The following MGST1 variants were observed in gnomAD, a reference collection of about 807,000 sequenced individuals.
MGST1 encodes the protein glutathione S-transferase 12.
MGST1 carries 5 observed loss-of-function variants against 8.9 expected under a neutral mutation model. The ratio of observed to expected loss-of-function variants is 0.56; its 90% CI spans 0.29 to 1.19. The LOEUF is 1.19. Ranked by LOEUF, MGST1 falls within the 50% of genes most tolerant of loss-of-function variation. MGST1 has a pLI of 0.08. For synonymous variants in MGST1, 54 were observed against 67.8 expected (o/e 0.80, Z 1.00); for missense variants, 182 against 187.4 (o/e 0.97, Z 0.17).
At chr12:16,375,160 A>C (rs1426897420) in intron 3 of MGST1, among the ~76,000 whole-genome samples, 1 of 152,138 alleles carries the variant, frequency 6.6e-6, no homozygotes, top group Non-Finnish European at 1.5e-5. Flanking sequence ...GGATTGAAGG[A>C]GTGAGCCACT....
rs536667559 is a variant in MGST1 at position 16,396,457 on chromosome 12, A to T, written n.778+12853A>T. ...TCAGAACAATGAGACAAGAGAAAGA[A>T]ATAAAGGGTATCCAAATCGGTAAAG... On this transcript the variant is annotated intron_variant and non_coding_transcript_variant, in intron 1 of 1. Coordinates refer to the MGST1 transcript ENST00000359720. 4.6e-5 allele frequency among the ~76,000 whole-genome samples: 7 copies of T among 152,294 alleles called. No individual in the cohort carries two copies. In the East Asian group the frequency reaches 1.4e-3, roughly 29 times the overall value.
intron 4 of MGST1, among the ~76,000 whole-genome samples, chr12:16,461,912 G>C (rs1002501114): frequency 6.6e-6 from 1 of 151,974 alleles, no homozygotes; most frequent in African/African-American, 2.4e-5. Context: ...ATGATTAGTT[G>C]GCTTGAAATA....
chr12:16,391,071 T>C (rs545802372), intron 1 of MGST1, among the ~76,000 whole-genome samples: 2 of 152,140 alleles, frequency 1.3e-5, no homozygotes, highest in Non-Finnish European at 2.9e-5. Context: ...GATATTGAAC[T>C]TTTTTCATAT....
At position 16,559,506 on chromosome 12, in the gene MGST1, T is replaced by C. The variant is rs1025481933; in HGVS notation, n.483-30022T>C. 6.6e-6 allele frequency among the ~76,000 whole-genome samples: 1 copy of C among 152,188 alleles called. No homozygotes were observed. The highest frequency in any genetic ancestry group is 1.5e-5 in the Non-Finnish European group (1 of 68,030). On this transcript the variant is annotated intron_variant and non_coding_transcript_variant, in intron 4 of 4. Coordinates refer to the MGST1 transcript ENST00000538857. This position sits in a 1 kb window ranked among gnomAD's most constrained non-coding sequence, Gnocchi z 4.1. The stretch of plus-strand genomic sequence containing the variant: ...TTAGTGGCAGAGCCCATATTAGAAT[T>C]TAGGTTTCCAGGTTCCCTGTTCAAC...
At chr12:16,525,719 A>AC (rs879322589) in intron 4 of MGST1, among the ~76,000 whole-genome samples, 23 of 149,224 alleles carry the variant, frequency 1.5e-4, no homozygotes, top group Non-Finnish European at 2.7e-4. Flanking sequence ...GAATCGCCAC[A>AC]CTGACTTCCA....
intron 1 of MGST1, among the ~76,000 whole-genome samples, chr12:16,402,864 T>C (rs1940669287): frequency 6.6e-6 from 1 of 151,128 alleles, no homozygotes; most frequent in South Asian, 2.1e-4. Flanking sequence ...TCCTTTCTTC[T>C]TTATAGAAAG....
intron 4 of MGST1, among the ~76,000 whole-genome samples, chr12:16,534,011 C>T (rs528620476): frequency 2.0e-5 from 3 of 152,142 alleles, no homozygotes; most frequent in South Asian, 2.1e-4. Flanking sequence ...TGGTTTATTA[C>T]GGTGAGGTGG....
At chr12:16,392,816 TATAG>T (rs1940565507) in intron 1 of MGST1, among the ~76,000 whole-genome samples, 1 of 151,948 alleles carries the variant, frequency 6.6e-6, no homozygotes, top group Admixed American at 6.6e-5. Flanking sequence ...ATGATAGATA[TATAG>T]ATAGATTGAA....
chr12:16,436,677 G>A (rs548557052), intron 1 of MGST1, among the ~76,000 whole-genome samples: 11 of 151,790 alleles, frequency 7.2e-5, no homozygotes, highest in Non-Finnish European at 1.6e-4. Flanking sequence ...TAAATGTATC[G>A]GCTCATTTAA....
chr12:16,372,825 T>A (rs1364430433), intron 3 of MGST1, among the ~76,000 whole-genome samples: 1 of 149,848 alleles, frequency 6.7e-6, no homozygotes, highest in Non-Finnish European at 1.5e-5. Flanking sequence ...GTGTGTATAA[T>A]ATAATATTCC....
chr12:16,463,652 C>G (rs1386979609), intron 4 of MGST1, among the ~76,000 whole-genome samples: 3 of 150,878 alleles, frequency 2.0e-5, no homozygotes, highest in African/African-American at 7.3e-5. Flanking sequence ...TTTTTTTAAG[C>G]AGAAAAAATA....
intron 4 of MGST1, among the ~76,000 whole-genome samples, chr12:16,535,247 A>G (rs562812165): frequency 2.3e-4 from 35 of 152,204 alleles, no homozygotes; most frequent in Non-Finnish European, 4.0e-4. Flanking sequence ...AAAGGACACA[A>G]AACTGAAAAT....
At chr12:16,403,313 T>G (rs185865246) in intron 1 of MGST1, among the ~76,000 whole-genome samples, 1 of 152,262 alleles carries the variant, frequency 6.6e-6, no homozygotes, top group Non-Finnish European at 1.5e-5. Flanking sequence ...TTAGCCTGCT[T>G]TATTGTTTTT....
chr12:16,530,758 T>C (rs1445931720), intron 4 of MGST1, among the ~76,000 whole-genome samples: 1 of 152,098 alleles, frequency 6.6e-6, no homozygotes, highest in East Asian at 1.9e-4. Context: ...TCACTGTCCA[T>C]GTGTAATGTA....
intron 1 of MGST1, among the ~76,000 whole-genome samples, chr12:16,416,897 A>C (rs934298879): frequency 5.9e-5 from 9 of 152,162 alleles, no homozygotes; most frequent in Admixed American, 5.9e-4. Context: ...CCTCATGCCA[A>C]CTGCAGTATA....
chr12:16,397,081 C>T (rs1940611973), intron 1 of MGST1, among the ~76,000 whole-genome samples: 1 of 152,144 alleles, frequency 6.6e-6, no homozygotes, highest in Non-Finnish European at 1.5e-5. Context: ...AAAATAGACA[C>T]ATACACCAAT....
intron 4 of MGST1, among the ~76,000 whole-genome samples, chr12:16,453,488 A>T (rs559610179): frequency 6.6e-6 from 1 of 152,102 alleles, no homozygotes; most frequent in South Asian, 2.1e-4. Flanking sequence ...AAATATCTAC[A>T]TACATTTATA....
intron 4 of MGST1, among the ~76,000 whole-genome samples, chr12:16,459,092 G>C (rs1210989895): frequency 6.6e-6 from 1 of 152,040 alleles, no homozygotes; most frequent in Non-Finnish European, 1.5e-5. Flanking sequence ...TTGGGAATAA[G>C]ATTTGTCCAT....
At chr12:16,397,083 T>A (rs1477273828) in intron 1 of MGST1, among the ~76,000 whole-genome samples, 1 of 152,100 alleles carries the variant, frequency 6.6e-6, no homozygotes, top group Non-Finnish European at 1.5e-5. Flanking sequence ...AATAGACACA[T>A]ACACCAATGG....
Sources: allele counts gnomAD v4.1 joint callset (sites outside exome capture counted in the v4.1 genomes callset), GRCh38; gene constraint gnomAD v4.1.1; non-coding constraint Gnocchi (gnomAD v3.1); transcripts MANE v1.5; gene names NCBI Gene and HGNC (gene_info 2026-07-23, HGNC 2026-07-21).